CACNA1D: variants seen among roughly 807,000 people sequenced by gnomAD.
CACNA1D encodes voltage-dependent L-type calcium channel subunit alpha-1D.
In CACNA1D, 55 loss-of-function variants were observed where a neutral mutation model predicts 257.1. The ratio of observed to expected loss-of-function variants is 0.21; its 90% CI spans 0.17 to 0.27. The LOEUF (loss-of-function observed/expected upper bound fraction) is 0.27. Among genes scored for constraint, CACNA1D ranks in the 10% least tolerant of loss-of-function variants. CACNA1D has a pLI of 1.00. For synonymous variants in CACNA1D, 980 were observed against 1,014.9 expected (o/e 0.97, Z 0.65); for missense variants, 1,876 against 2,784.0 (o/e 0.67, Z 7.34).
chr3:53,709,124 G>A (rs1576420953), intron 9 of CACNA1D, among the ~76,000 whole-genome samples: 1 of 152,222 alleles, frequency 6.6e-6, no homozygotes. Flanking sequence ...GCTGCACCCA[G>A]CACAGTGCTT....
intron 40 of CACNA1D, among the ~76,000 whole-genome samples, chr3:53,799,370 C>A (rs537410752): frequency 4.4e-3 from 663 of 152,286 alleles, no homozygotes; most frequent in Non-Finnish European, 6.3e-3. Context: ...CTAATGAAGT[C>A]ATGAACAATG....
chr3:53,666,077 G>A (rs2094259270), intron 6 of CACNA1D, among the ~76,000 whole-genome samples: 1 of 150,550 alleles, frequency 6.6e-6, no homozygotes, highest in African/African-American at 2.5e-5. Context: ...CAAACCAACA[G>A]CATTGTGCTA....
intron 3 of CACNA1D, among the ~76,000 whole-genome samples, chr3:53,546,258 C>CT (rs2092410207): frequency 6.6e-6 from 1 of 152,152 alleles, no homozygotes. Flanking sequence ...TGTCCTAGTG[C>CT]TGGGAGGGAG....
At chr3:53,696,248 G>A (rs933322052) in intron 8 of CACNA1D, among the ~76,000 whole-genome samples, 7 of 152,244 alleles carry the variant, frequency 4.6e-5, no homozygotes, top group Admixed American at 6.5e-5. Flanking sequence ...TATTTCAGGC[G>A]TGAGCCTCTG....
chr3:53,739,941 T>C (rs1038021562), intron 20 of CACNA1D, among the ~76,000 whole-genome samples: 3 of 152,220 alleles, frequency 2.0e-5, no homozygotes, highest in Non-Finnish European at 2.9e-5. Flanking sequence ...CTCTAATTTA[T>C]TTGGTGCCAC....
rs564553597 is a variant in CACNA1D, at chr3:53,796,673, A to G, written c.4924-3576A>G. Among the ~76,000 whole-genome samples the G allele has an allele frequency of 8.5e-5, 13 of 152,360 alleles. No individual in the cohort carries two copies. The South Asian group carries it at 1.4e-3, about 17-fold the overall frequency. On this transcript the variant is annotated intron_variant, in intron 40 of 47. Transcript: ENST00000350061. ...TTTTTTTTGGTAACTTAATCATTCA[A>G]TAGAATATCTATGAAATTCCAACTA...
chr3:53,675,927 C>G (rs764651177), intron 8 of CACNA1D, among the ~76,000 whole-genome samples: 11 of 152,180 alleles, frequency 7.2e-5, no homozygotes, highest in Non-Finnish European at 1.5e-5. Flanking sequence ...CTCTACTCCC[C>G]CAGAAGGCCT....
At chr3:53,704,192 A>C (rs2094659379) in intron 9 of CACNA1D, among the ~76,000 whole-genome samples, 2 of 151,634 alleles carry the variant, frequency 1.3e-5, no homozygotes, top group African/African-American at 4.9e-5. Context: ...GGGCTGAGAG[A>C]CCCCTGGTGG....
At chr3:53,681,966 C>T (rs1221308257) in intron 8 of CACNA1D, among the ~76,000 whole-genome samples, 2 of 152,044 alleles carry the variant, frequency 1.3e-5, no homozygotes, top group Non-Finnish European at 2.9e-5. Context: ...GTGACAGGAA[C>T]TGGGAGAGCT....
At position 53,596,696 on chromosome 3, in the gene CACNA1D, A is replaced by G. The variant is rs568891920; in HGVS notation, c.484-54083A>G. 2.0e-5 allele frequency among the ~76,000 whole-genome samples: 3 copies of G among 152,280 alleles called. No individual in the cohort carries two copies. In the South Asian group the frequency reaches 6.2e-4, roughly 32 times the overall value. On this transcript the variant is annotated intron_variant, in intron 3 of 47. Transcript: ENST00000350061. ...GGCAGCCTTAGAAGCTGGAAAAGGC[A>G]AGGAAACAGGTTCAGCCCTAGAGCC... is the stretch of plus-strand genomic sequence containing the variant.
At chr3:53,635,914 C>T (rs911767244) in intron 3 of CACNA1D, among the ~76,000 whole-genome samples, 5 of 152,222 alleles carry the variant, frequency 3.3e-5, no homozygotes, top group South Asian at 4.1e-4. Flanking sequence ...CCTGAGTCTC[C>T]GTTTCCTTAG....
chr3:53,751,607 G>A lies in CACNA1D; in HGVS notation c.3517-142G>A. 1 of 826,268 alleles carries A rather than the reference G, an allele frequency of 1.2e-6. No individual in the cohort carries two copies. The allele number at this position is 826,268 out of a possible 1,614,324, so 51.2% of individuals were successfully genotyped here. A position where few individuals can be genotyped will look rare whatever the true frequency, so the allele number is the denominator to read the frequency against. On this transcript the variant is annotated intron_variant, in intron 27 of 47. Coordinates refer to ENST00000350061, the MANE Select transcript of CACNA1D (RefSeq NM_001128840.3). The surrounding 1 kb of genome is among the most constrained non-coding windows in gnomAD (Gnocchi z 4.3). Reference sequence around the variant, plus strand: ...AGAGTGGTGCCAGCAGCAGGAAGGGGGTCACTCGTAATCATTTTCACCATC... The same window carrying A: ...AGAGTGGTGCCAGCAGCAGGAAGGGAGTCACTCGTAATCATTTTCACCATC...
intron 5 of CACNA1D, among the ~76,000 whole-genome samples, chr3:53,663,448 C>T (rs181329036): frequency 1.3e-5 from 2 of 152,300 alleles, no homozygotes; most frequent in East Asian, 1.9e-4. Context: ...GATGCCAATG[C>T]AAGGTCAGGA....
At chr3:53,579,834 G>C (rs1559870585) in intron 3 of CACNA1D, among the ~76,000 whole-genome samples, 1 of 152,220 alleles carries the variant, frequency 6.6e-6, no homozygotes, top group Non-Finnish European at 1.5e-5. Context: ...CACTTTTGCT[G>C]AAAGGACAGA....
rs759274321 is a variant in CACNA1D at position 53,673,723 on chromosome 3, C to T, written c.1220+597C>T. 26 of 1,610,428 alleles carry T rather than the reference C, an allele frequency of 1.6e-5. No individual in the cohort carries two copies. The highest frequency in any genetic ancestry group is 1.0e-4 in the Admixed American group (6 of 59,994). On this transcript the variant is annotated intron_variant, in intron 8 of 47. Transcript: ENST00000350061. The surrounding 1 kb of genome is among the most constrained non-coding windows in gnomAD (Gnocchi z 4.1). ...CCTTACATTTTACAGGTAAATGATG[C>T]GATAGGATGGGAATGGCCATGGGTG...
At chr3:53,518,935 C>G (rs936624495) in intron 3 of CACNA1D, among the ~76,000 whole-genome samples, 29 of 152,206 alleles carry the variant, frequency 1.9e-4, no homozygotes, top group Non-Finnish European at 3.7e-4. Context: ...ACTTCGCAGT[C>G]ACGCTTCTCT....
chr3:53,562,657 C>G (rs78371262), intron 3 of CACNA1D, among the ~76,000 whole-genome samples: 2 of 95,916 alleles, frequency 2.1e-5, no homozygotes, highest in East Asian at 5.2e-4. Context: ...AAATGCCTCC[C>G]CCCCCAAATT....
At position 53,718,345 on chromosome 3, in the gene CACNA1D, G is replaced by A. The variant is rs777250049; in HGVS notation, c.1435G>A (p.Val479Ile). The A allele has an allele frequency of 1.1e-5, 17 of 1,614,092 alleles. No individual in the cohort carries two copies. The African/African-American group carries it at 1.2e-4, about 11-fold the overall frequency. ...SETESVNTEN[V>I]SGEGENRGCC... ...GACTGAGTCTGTGAACACAGAGAAC[G>A]TCAGCGGTGAAGGCGAGAACCGAGG... The change falls in exon 10 of 48, where the codon GTC (valine) becomes ATC (isoleucine). Residue 479 changes from valine to isoleucine, a missense_variant. Physicochemically the swap from Val to Ile is conservative, Grantham distance 29. Coordinates refer to ENST00000350061, the MANE Select transcript of CACNA1D (RefSeq NM_001128840.3).
At chr3:53,680,261 C>T (rs1473233003) in intron 8 of CACNA1D, among the ~76,000 whole-genome samples, 2 of 152,176 alleles carry the variant, frequency 1.3e-5, no homozygotes, top group African/African-American at 4.8e-5. Context: ...CTGGCAACAG[C>T]AGTGGACAGC....
Sources: allele counts gnomAD v4.1 joint callset (sites outside exome capture counted in the v4.1 genomes callset), GRCh38; gene constraint gnomAD v4.1.1; non-coding constraint Gnocchi (gnomAD v3.1); transcripts MANE v1.5; gene names NCBI Gene and HGNC (gene_info 2026-07-23, HGNC 2026-07-21).